The following SEC14L1 variants were observed in gnomAD, a reference collection of about 807,000 sequenced individuals.
SEC14L1 encodes the protein SEC14-like protein 1.
Under a neutral mutation model 85.3 loss-of-function variants are expected in SEC14L1, and 48 were observed. The ratio of observed to expected loss-of-function variants is 0.56; its 90% CI spans 0.45 to 0.72. The LOEUF (loss-of-function observed/expected upper bound fraction) is 0.72. SEC14L1 is among the 30% of genes least tolerant of loss of function. The pLI is 0.00. For synonymous variants in SEC14L1, 391 were observed against 355.5 expected, an observed-to-expected ratio of 1.10 and a Z score of -1.12; for missense variants, 682 against 921.4, an observed-to-expected ratio of 0.74 and a Z score of 3.36.
chr17:77,171,983 G>A (rs1974541305), intron 3 of SEC14L1, among the ~76,000 whole-genome samples: 1 of 152,076 alleles, frequency 6.6e-6, no homozygotes, highest in Admixed American at 6.5e-5. Context: ...TTCCTAAATA[G>A]GTTTGTTCCT....
At chr17:77,109,562 G>A (rs1972002748) in intron 3 of SEC14L1, among the ~76,000 whole-genome samples, 1 of 152,206 alleles carries the variant, frequency 6.6e-6, no homozygotes. Context: ...GAGCACGGGT[G>A]ACTCCATTTT....
intron 3 of SEC14L1, among the ~76,000 whole-genome samples, chr17:77,124,255 T>G (rs1353852217): frequency 6.6e-6 from 1 of 152,140 alleles, no homozygotes; most frequent in East Asian, 1.9e-4. Flanking sequence ...TCTCAGCTAC[T>G]TGGGGGGCTG....
intron 3 of SEC14L1, among the ~76,000 whole-genome samples, chr17:77,096,376 C>T (rs1395102457): frequency 6.9e-6 from 1 of 145,568 alleles, no homozygotes; most frequent in Non-Finnish European, 1.5e-5. Flanking sequence ...GGCCAACATG[C>T]TGAAACCCTG....
intron 3 of SEC14L1, among the ~76,000 whole-genome samples, chr17:77,129,098 C>T (rs1486044313): frequency 2.6e-5 from 4 of 152,060 alleles, no homozygotes; most frequent in East Asian, 1.9e-4. Flanking sequence ...CCAACTAGAG[C>T]GGTAGGCGGG....
At chr17:77,124,885 C>A (rs2143416947) in intron 3 of SEC14L1, among the ~76,000 whole-genome samples, 1 of 152,164 alleles carries the variant, frequency 6.6e-6, no homozygotes, top group South Asian at 2.1e-4. Context: ...GATCTGATGT[C>A]TTCCATCAGA....
At chr17:77,118,200 G>T (rs1246918837) in intron 3 of SEC14L1, among the ~76,000 whole-genome samples, 1 of 152,258 alleles carries the variant, frequency 6.6e-6, no homozygotes, top group African/African-American at 2.4e-5. Context: ...GGCTGGAACA[G>T]CTTTTCCCTA....
chr17:77,138,910 A>G (rs958362038), upstream of SEC14L1, among the ~76,000 whole-genome samples: 24 of 152,238 alleles, frequency 1.6e-4, no homozygotes, highest in African/African-American at 5.8e-4. Flanking sequence ...GAAGTATAAT[A>G]TACATATAAA....
intron 3 of SEC14L1, among the ~76,000 whole-genome samples, chr17:77,144,113 A>G (rs1472157199): frequency 6.6e-6 from 1 of 152,196 alleles, no homozygotes; most frequent in South Asian, 2.1e-4. Flanking sequence ...ACTCTGTTGA[A>G]TGAGTTTTTC....
At chr17:77,149,764 A>G (rs1973473194) in intron 3 of SEC14L1, among the ~76,000 whole-genome samples, 1 of 152,190 alleles carries the variant, frequency 6.6e-6, no homozygotes, top group Non-Finnish European at 1.5e-5. Context: ...TATGTTTTCT[A>G]CATGGAACAG....
intron 3 of SEC14L1, among the ~76,000 whole-genome samples, chr17:77,177,631 T>A (rs1445807519): frequency 6.6e-6 from 1 of 152,128 alleles, no homozygotes; most frequent in Non-Finnish European, 1.5e-5. Context: ...ACTAGAACAA[T>A]CTGAAACTGA....
rs7217629 is a variant in SEC14L1, at chr17:77,214,383, T to C, written c.*360T>C. ...GAACTCCGCATTGTCCATTAGTGAA[T>C]GAATTCCTGTGACATCCTCCAGAGA... On this transcript the variant is annotated 3_prime_UTR_variant, in exon 17 of 17. Transcript: ENST00000436233. 375 of 1,011,558 alleles carry C rather than the reference T, an allele frequency of 3.7e-4. 1 individual carries two copies. The African/African-American group carries it at 5.9e-3, about 16-fold the overall frequency. The allele number at this position is 1,011,558 out of a possible 1,614,324, so 62.7% of individuals were successfully genotyped here. A position where few individuals can be genotyped will look rare whatever the true frequency, so the allele number is the denominator to read the frequency against.
At chr17:77,195,666 C>T (rs1042708139) in intron 7 of SEC14L1, among the ~76,000 whole-genome samples, 3 of 151,802 alleles carry the variant, frequency 2.0e-5, no homozygotes, top group East Asian at 1.9e-4. Context: ...TTTTATATTC[C>T]TAGTAGAGAC....
intron 3 of SEC14L1, among the ~76,000 whole-genome samples, chr17:77,108,087 C>T (rs769310094): frequency 3.3e-5 from 5 of 151,458 alleles, no homozygotes; most frequent in Non-Finnish European, 5.9e-5. Flanking sequence ...GTTCCATGCC[C>T]CCCCATACCA....
upstream of SEC14L1, among the ~76,000 whole-genome samples, chr17:77,136,275 CT>C (rs1337626215): frequency 3.4e-5 from 5 of 149,156 alleles, no homozygotes; most frequent in African/African-American, 9.9e-5. Flanking sequence ...CTCTTTTTCT[CT>C]CTCTCTTCCT....
At chr17:77,122,846 G>A (rs895871783) in intron 3 of SEC14L1, among the ~76,000 whole-genome samples, 6 of 152,150 alleles carry the variant, frequency 3.9e-5, no homozygotes, top group Admixed American at 6.6e-5. Flanking sequence ...TGCAGTCCCC[G>A]TGTCTCCTCC....
intron 3 of SEC14L1, among the ~76,000 whole-genome samples, chr17:77,150,885 C>T (rs1184062762): frequency 6.6e-6 from 1 of 152,186 alleles, no homozygotes; most frequent in Non-Finnish European, 1.5e-5. Flanking sequence ...AGGTCCTGTG[C>T]ACGTCAGATT....
intron 13 of SEC14L1, among the ~76,000 whole-genome samples, chr17:77,208,849 C>T (rs1046279415): frequency 5.9e-5 from 9 of 152,202 alleles, no homozygotes; most frequent in Admixed American, 1.3e-4. Flanking sequence ...CAGGCAAATT[C>T]AAAAGAAGTT....
At chr17:77,106,327 T>A (rs1971913869) in intron 3 of SEC14L1, among the ~76,000 whole-genome samples, 1 of 151,772 alleles carries the variant, frequency 6.6e-6, no homozygotes, top group African/African-American at 2.4e-5. Flanking sequence ...AGGTCAGGAG[T>A]TTGAGACCAG....
chr17:77,148,168 A>G (rs1462044469), intron 3 of SEC14L1, among the ~76,000 whole-genome samples: 1 of 152,124 alleles, frequency 6.6e-6, no homozygotes, highest in Non-Finnish European at 1.5e-5. Flanking sequence ...TAAAGGCTTC[A>G]AAGGGAAAAT....
Sources: allele counts gnomAD v4.1 joint callset (sites outside exome capture counted in the v4.1 genomes callset), GRCh38; gene constraint gnomAD v4.1.1; transcripts MANE v1.5; gene names NCBI Gene and HGNC (gene_info 2026-07-23, HGNC 2026-07-21).